CDKAL1: variants seen among roughly 807,000 people sequenced by gnomAD.
CDKAL1 encodes the protein threonylcarbamoyladenosine tRNA methylthiotransferase.
CDKAL1 carries 32 observed loss-of-function variants against 68.2 expected under a neutral mutation model. That is an observed-to-expected ratio of 0.47 (90% CI 0.35 to 0.63). The LOEUF (loss-of-function observed/expected upper bound fraction) is 0.63, where lower values mean the gene tolerates loss of function less well. Among genes scored for constraint, CDKAL1 ranks in the 30% least tolerant of loss-of-function variants. The pLI is 0.00. For synonymous variants in CDKAL1, 234 were observed against 244.3 expected (o/e 0.96, Z 0.39); for missense variants, 606 against 696.7 (o/e 0.87, Z 1.47).
intron 15 of CDKAL1, among the ~76,000 whole-genome samples, chr6:21,225,343 C>T (rs1190182035): frequency 6.6e-6 from 1 of 152,104 alleles, no homozygotes; most frequent in African/African-American, 2.4e-5. Context: ...CATCTCAGAG[C>T]CCGGGGAGTA....
At chr6:20,692,224 A>G (rs1770902684) in intron 5 of CDKAL1, among the ~76,000 whole-genome samples, 1 of 152,224 alleles carries the variant, frequency 6.6e-6, no homozygotes, top group Non-Finnish European at 1.5e-5. Flanking sequence ...TTTCTTTGCC[A>G]GGATTTTAAA....
intron 4 of CDKAL1, among the ~76,000 whole-genome samples, chr6:20,642,776 A>G (rs1347835842): frequency 6.6e-6 from 1 of 152,136 alleles, no homozygotes; most frequent in Non-Finnish European, 1.5e-5. Context: ...TCGATTCCAA[A>G]AGTAATCTGG....
At chr6:20,555,156 A>G (rs76786213) in intron 4 of CDKAL1, among the ~76,000 whole-genome samples, 1 of 152,240 alleles carries the variant, frequency 6.6e-6, no homozygotes, top group Admixed American at 6.5e-5. Context: ...TGAACCAGCC[A>G]TGGATTCCAG....
intron 12 of CDKAL1, among the ~76,000 whole-genome samples, chr6:21,070,709 T>C (rs148204579): frequency 0.021 from 3,205 of 152,338 alleles, 47 homozygotes; most frequent in Admixed American, 0.055. Flanking sequence ...TTTTCTTTTG[T>C]TCCCCAATAT....
In CDKAL1 at chr6:20,670,757, A is replaced by G. The variant is rs927312264; in HGVS notation, c.371+21380A>G. 6.6e-5 allele frequency among the ~76,000 whole-genome samples: 10 copies of G among 152,156 alleles called. No homozygotes were observed. The South Asian group carries it at 2.1e-3, about 31-fold the overall frequency. ...CTGTATGAAACCCATGGAAATTTTTAAATTTCCTTTTGTTTTTTACTTAAA... is the reference window on the plus strand; with the variant it reads ...CTGTATGAAACCCATGGAAATTTTTGAATTTCCTTTTGTTTTTTACTTAAA... On this transcript the variant is annotated intron_variant, in intron 5 of 15. Coordinates refer to ENST00000274695, the MANE Select transcript of CDKAL1 (RefSeq NM_017774.3).
At chr6:21,202,210 C>T (rs1047370142) in intron 15 of CDKAL1, among the ~76,000 whole-genome samples, 4 of 152,008 alleles carry the variant, frequency 2.6e-5, no homozygotes, top group East Asian at 1.9e-4. Context: ...TTCTTGTGTC[C>T]GACAGCAGTG....
chr6:21,070,919 C>G (rs1434252971), intron 12 of CDKAL1, among the ~76,000 whole-genome samples: 1 of 152,180 alleles, frequency 6.6e-6, no homozygotes, highest in Non-Finnish European at 1.5e-5. Flanking sequence ...CACCCTAGAC[C>G]TGTTCAGTCA....
At chr6:20,836,151 T>C (rs978696859) in intron 8 of CDKAL1, among the ~76,000 whole-genome samples, 2 of 152,068 alleles carry the variant, frequency 1.3e-5, no homozygotes, top group African/African-American at 4.8e-5. Context: ...AGTGACTCGG[T>C]AGAGTAACTA....
chr6:20,669,986 T>C (rs1581351310), intron 5 of CDKAL1, among the ~76,000 whole-genome samples: 1 of 152,100 alleles, frequency 6.6e-6, no homozygotes, highest in East Asian at 1.9e-4. Flanking sequence ...AAACACGAGG[T>C]TGTACTCTTC....
chr6:20,585,017 A>G (rs985066297), intron 4 of CDKAL1, among the ~76,000 whole-genome samples: 4 of 150,544 alleles, frequency 2.7e-5, no homozygotes, highest in African/African-American at 9.7e-5. Context: ...CCTATCATCA[A>G]ACATTCTGTG....
At chr6:21,003,365 T>TACACACACACACACACACACACAC (rs1409256066) in intron 11 of CDKAL1, among the ~76,000 whole-genome samples, 6 of 62,368 alleles carry the variant, frequency 9.6e-5, no homozygotes, top group African/African-American at 6.2e-4. Flanking sequence ...TATATATATA[T>TACACACACACACACACACACACAC]ATATATACAC....
At chr6:21,081,971 A>C (rs1323807855) in intron 12 of CDKAL1, among the ~76,000 whole-genome samples, 1 of 144,208 alleles carries the variant, frequency 6.9e-6, no homozygotes, top group Non-Finnish European at 1.5e-5. Context: ...GGACTTATAC[A>C]TGTAGTTCCA....
chr6:20,627,455 G>A (rs1180586949), intron 4 of CDKAL1, among the ~76,000 whole-genome samples: 1 of 152,086 alleles, frequency 6.6e-6, no homozygotes, highest in East Asian at 1.9e-4. Context: ...TCCCTGGGAG[G>A]TTTCCCTTGG....
At chr6:20,939,066 C>T (rs1763856532) in intron 9 of CDKAL1, among the ~76,000 whole-genome samples, 1 of 152,056 alleles carries the variant, frequency 6.6e-6, no homozygotes, top group Non-Finnish European at 1.5e-5. Flanking sequence ...TCACTAGATG[C>T]TTAATATGTT....
intron 5 of CDKAL1, among the ~76,000 whole-genome samples, chr6:20,725,716 C>T (rs546303133): frequency 3.1e-4 from 47 of 150,196 alleles, no homozygotes; most frequent in African/African-American, 9.8e-4. Context: ...TCTGGGAGAC[C>T]GAGGTTGCGG....
At chr6:20,832,454 T>G (rs1423167301) in intron 8 of CDKAL1, among the ~76,000 whole-genome samples, 3 of 150,998 alleles carry the variant, frequency 2.0e-5, no homozygotes, top group African/African-American at 7.3e-5. Flanking sequence ...GTTAACATAG[T>G]GAGACCCTGT....
chr6:21,188,378 T>TGG (rs1200775179), intron 13 of CDKAL1, among the ~76,000 whole-genome samples: 1 of 152,212 alleles, frequency 6.6e-6, no homozygotes, highest in Non-Finnish European at 1.5e-5. Context: ...ATTGTATCTA[T>TGG]TTAAGATGCA....
chr6:20,681,423 G>T (rs1470187195), intron 5 of CDKAL1, among the ~76,000 whole-genome samples: 1 of 152,102 alleles, frequency 6.6e-6, no homozygotes, highest in Non-Finnish European at 1.5e-5. Context: ...TTCCATTTTA[G>T]CATGTTTTAC....
chr6:21,051,480 A>G (rs960876611), intron 11 of CDKAL1, among the ~76,000 whole-genome samples: 1 of 152,196 alleles, frequency 6.6e-6, no homozygotes, highest in Non-Finnish European at 1.5e-5. Context: ...AGAGATAAGG[A>G]CTACCCTGGG....
Sources: allele counts gnomAD v4.1 joint callset (sites outside exome capture counted in the v4.1 genomes callset), GRCh38; gene constraint gnomAD v4.1.1; transcripts MANE v1.5; gene names NCBI Gene and HGNC (gene_info 2026-07-23, HGNC 2026-07-21).